The following SLC38A2 variants were observed in gnomAD, a reference collection of about 807,000 sequenced individuals.
The protein encoded by SLC38A2 is solute carrier family 38 member 2.
In SLC38A2, 11 loss-of-function variants were observed where a neutral mutation model predicts 61.5. That is an observed-to-expected ratio of 0.18 (90% CI 0.11 to 0.30). The LOEUF (loss-of-function observed/expected upper bound fraction) is 0.30. SLC38A2 is among the 10% of genes least tolerant of loss of function. The probability of loss-of-function intolerance (pLI) is 1.00; values close to 1 mark genes in which losing one functional copy is unlikely to be tolerated. For missense variants in SLC38A2, 522 were observed against 600.4 expected (o/e 0.87, Z 1.36); for synonymous variants, 217 against 212.5 (o/e 1.02, Z -0.18).
At position 46,358,941 on chromosome 12, in the gene SLC38A2, G is replaced by T. The variant is rs1013999568; in HGVS notation, c.*2170C>A. 3 of 152,556 alleles carry T rather than the reference G, an allele frequency of 2.0e-5. No homozygotes were observed. The highest frequency in any genetic ancestry group is 4.4e-5 in the Non-Finnish European group (3 of 68,028). 9.5% of individuals were successfully genotyped at this position (152,556 alleles called of 1,614,324 possible). ...CTCAAGGTAGACAAGATAGCTCCCA[G>T]AAAATCATCCATTGGAATTTTCCCT... is the stretch of plus-strand genomic sequence containing the variant. On this transcript the variant is annotated 3_prime_UTR_variant, in exon 16 of 16. Transcript: ENST00000256689.
At chr12:46,371,049 C>T (rs989465177) in intron 2 of SLC38A2, 129 bp downstream of exon 2, 3 of 904,396 alleles carry the variant, frequency 3.3e-6, no homozygotes, top group East Asian at 5.0e-5. Context: ...TAATCGGATA[C>T]TCTTTCAGAG....
At position 46,372,742 on chromosome 12, in the gene SLC38A2, G is replaced by C. The variant is rs993649186; in HGVS notation, c.-320C>G. The C allele has an allele frequency of 3.5e-5, 14 of 398,398 alleles. No individual in the cohort carries two copies. Among genetic ancestry groups the C allele is most frequent in the Non-Finnish European group, 5.3e-5 (12 of 225,880 alleles). The allele number at this position is 398,398 out of a possible 1,614,324, so 24.7% of individuals were successfully genotyped here. ...GGGCTGCTGCTAGCAGTACTGGAAA[G>C]GCGTTCTAAGGCGGCGGCGTCGCGC... is the stretch of plus-strand genomic sequence containing the variant. On this transcript the variant is annotated 5_prime_UTR_variant, in exon 1 of 16. Transcript: ENST00000256689.
intron 2 of SLC38A2, 85 bp downstream of exon 2, chr12:46,371,093 A>T: frequency 8.8e-7 from 1 of 1,137,072 alleles, no homozygotes; most frequent in Non-Finnish European, 1.3e-6. Flanking sequence ...ATAGCAAATT[A>T]AAGCAATGGA....
intron 3 of SLC38A2, 25 bp downstream of exon 3, chr12:46,370,747 TGACA>T (rs766578360): frequency 1.1e-5 from 18 of 1,580,406 alleles, no homozygotes; most frequent in South Asian, 3.4e-5. Flanking sequence ...ATAAAGCCAC[TGACA>T]GACAAATTAC....
Position 46,358,355 on chromosome 12 carries a change from A to C in SLC38A2, c.*2756T>G, listed in dbSNP as rs1027701176. On this transcript the variant is annotated 3_prime_UTR_variant, in exon 16 of 16. Transcript: ENST00000256689. ...ACAAAGTTAATACACCCAGGTTCTC[A>C]AAGGTCTTCCATTACACTAGATCAC... is the stretch of plus-strand genomic sequence containing the variant. The C allele has an allele frequency of 6.6e-6, 1 of 152,660 alleles. No individual in the cohort carries two copies. Among genetic ancestry groups the C allele is most frequent in the African/African-American group, 2.4e-5 (1 of 41,458 alleles). The allele number at this position is 152,660 out of a possible 1,614,324, so 9.5% of individuals were successfully genotyped here.
intron 10 of SLC38A2, 146 bp from the exon 11 acceptor site, chr12:46,364,149 A>G (rs1943113480): frequency 1.3e-6 from 1 of 777,792 alleles, no homozygotes; most frequent in South Asian, 2.0e-5. Context: ...TAATCTGTTC[A>G]TGAAGTATGA....
chr12:46,372,575 AAAAC>A lies in SLC38A2; in HGVS notation c.-157_-154del, dbSNP rs919504140. ...TCTCTCAGTCAAATACAAATCATAAAAAACAAACAAAAAATTTCCCCAAATCCAA... is the reference window on the plus strand; with the variant it reads ...TCTCTCAGTCAAATACAAATCATAAAAAACAAAAAATTTCCCCAAATCCAA... On this transcript the variant is annotated 5_prime_UTR_variant, in exon 1 of 16. Transcript: ENST00000256689. 4.3e-4 allele frequency: 173 copies of A among 397,876 alleles called. No homozygotes were observed. Among genetic ancestry groups the A allele is most frequent in the African/African-American group, 2.7e-3 (133 of 48,726 alleles). The allele number at this position is 397,876 out of a possible 1,614,324, so 24.6% of individuals were successfully genotyped here.
In SLC38A2 at chr12:46,371,348, T is replaced by C; in HGVS notation, c.-55A>G. ...TAGTAGCGCTGGGCTCCTTTTGTCC[T>C]TGGCGGTGGGTGCAGCGGCCCGCGA... On this transcript the variant is annotated 5_prime_UTR_variant, in exon 2 of 16. Transcript: ENST00000256689. 2.7e-6 allele frequency: 4 copies of C among 1,464,240 alleles called. No homozygotes were observed. The highest frequency in any genetic ancestry group is 1.9e-6 in the Non-Finnish European group (2 of 1,045,816). 90.7% of individuals were successfully genotyped at this position (1,464,240 alleles called of 1,614,324 possible). A position where few individuals can be genotyped will look rare whatever the true frequency, so the allele number is the denominator to read the frequency against.
intron 1 of SLC38A2, 93 bp from the exon 2 acceptor site, chr12:46,371,472 C>G (rs1412381926): frequency 5.1e-6 from 3 of 584,956 alleles, no homozygotes; most frequent in Non-Finnish European, 9.0e-6. Context: ...TGATTCATCC[C>G]AGGCCAGGCG....
intron 1 of SLC38A2, 147 bp downstream of exon 1, chr12:46,372,362 A>C (rs1441014616): frequency 1.3e-5 from 3 of 229,056 alleles, no homozygotes; most frequent in Non-Finnish European, 2.5e-5. Context: ...GCCAGGGTGG[A>C]AGGCTGGCCA....
chr12:46,368,471 C>T (rs1245881582), intron 4 of SLC38A2, among the ~76,000 whole-genome samples: 1 of 152,164 alleles, frequency 6.6e-6, no homozygotes, highest in East Asian at 1.9e-4. Flanking sequence ...AGGGTTCTCC[C>T]TCATTCCAGC....
Position 46,358,397 on chromosome 12 carries a change from C to G in SLC38A2, c.*2714G>C, listed in dbSNP as rs955959891. On this transcript the variant is annotated 3_prime_UTR_variant, in exon 16 of 16. Coordinates refer to ENST00000256689, the MANE Select transcript of SLC38A2 (RefSeq NM_018976.5). ...CTAGATCACATTTTATTTCATTACA[C>G]TAGATCACATTTTGATTACTGCATT... 1.3e-5 allele frequency: 2 copies of G among 152,312 alleles called. No homozygotes were observed. The highest frequency in any genetic ancestry group is 2.9e-5 in the Non-Finnish European group (2 of 67,876). 9.4% of individuals were successfully genotyped at this position (152,312 alleles called of 1,614,324 possible).
intron 15 of SLC38A2, among the ~76,000 whole-genome samples, chr12:46,361,430 A>G (rs934283740): frequency 5.3e-5 from 8 of 152,128 alleles, no homozygotes; most frequent in African/African-American, 1.7e-4. Context: ...TCACTTTTTC[A>G]TTCCTTTGTC....
Position 46,366,931 on chromosome 12 carries a change from G to GGTA in SLC38A2, c.493_495dup (p.Tyr165dup). On this transcript the variant is annotated inframe_insertion, in exon 7 of 16. Coordinates refer to ENST00000256689, the MANE Select transcript of SLC38A2 (RefSeq NM_018976.5). Reference sequence around the variant, plus strand: ...GGCAACTCATATTTCACTATGAAGAGGTAGCTTGACATAGCTGGAGGAAAA... The same window carrying GGTA: ...GGCAACTCATATTTCACTATGAAGAGGTAGTAGCTTGACATAGCTGGAGGAAAA... 6.2e-7 allele frequency: 1 copy of GGTA among 1,613,696 alleles called. No individual in the cohort carries two copies. Among genetic ancestry groups the GGTA allele is most frequent in the East Asian group, 2.2e-5 (1 of 44,878 alleles).
chr12:46,372,663 C>T lies in SLC38A2; in HGVS notation c.-241G>A, dbSNP rs1943219031. ...GAAAAGACAAATTGCCGCCCCAATC[C>T]TCCGGCGTCCGCCGTGTCAAGGGAA... On this transcript the variant is annotated 5_prime_UTR_variant, in exon 1 of 16. Transcript: ENST00000256689. The T allele has an allele frequency of 2.5e-6, 1 of 398,542 alleles. No individual in the cohort carries two copies. The highest frequency in any genetic ancestry group is 4.4e-6 in the Non-Finnish European group (1 of 225,962). The allele number at this position is 398,542 out of a possible 1,614,324, so 24.7% of individuals were successfully genotyped here.
chr12:46,368,712 A>G (rs1325449318), intron 4 of SLC38A2, among the ~76,000 whole-genome samples: 8 of 152,236 alleles, frequency 5.3e-5, no homozygotes. Flanking sequence ...AAATGCCAGA[A>G]GTTTTACAGG....
Position 46,362,737 on chromosome 12 carries a change from A to G in SLC38A2, c.1180-99T>C, listed in dbSNP as rs532005638. 16 of 1,256,726 alleles carry G rather than the reference A, an allele frequency of 1.3e-5. No individual in the cohort carries two copies. In the East Asian group the frequency reaches 4.4e-4, roughly 35 times the overall value. 77.8% of individuals were successfully genotyped at this position (1,256,726 alleles called of 1,614,324 possible). On this transcript the variant is annotated intron_variant, in intron 13 of 15. Transcript: ENST00000256689. Reference sequence around the variant, plus strand: ...TGAAAAGAATGCCCAAGTAACAAGGAATCTATCCAAAATAGTAACTATTTC... The same window carrying G: ...TGAAAAGAATGCCCAAGTAACAAGGGATCTATCCAAAATAGTAACTATTTC...
At chr12:46,372,176 A>AT (rs892964162) in intron 1 of SLC38A2, 122 of 149,114 alleles carry the variant, frequency 8.2e-4, no homozygotes, top group East Asian at 2.1e-3. Flanking sequence ...CCTGGACTTA[A>AT]TTTTTTTTTT....
Position 46,361,040 on chromosome 12 carries a change from A to G in SLC38A2, c.*71T>C. The G allele has an allele frequency of 9.2e-6, 11 of 1,195,502 alleles. No individual in the cohort carries two copies. The highest frequency in any genetic ancestry group is 1.3e-5 in the Non-Finnish European group (11 of 820,470). The allele number at this position is 1,195,502 out of a possible 1,614,324, so 74.1% of individuals were successfully genotyped here. A position where few individuals can be genotyped will look rare whatever the true frequency, so the allele number is the denominator to read the frequency against. On this transcript the variant is annotated 3_prime_UTR_variant, in exon 16 of 16. Transcript: ENST00000256689. ...GAAGTGAAACTGAAAACATTAGGTG[A>G]AATTTCATAGTAGTTGAGTTTACTC...
Sources: gnomAD v4.1 joint callset for allele counts (sites outside exome capture counted in the v4.1 genomes callset) on GRCh38, gnomAD v4.1.1 for gene constraint, MANE v1.5 for transcripts, NCBI Gene and HGNC (gene_info 2026-07-23, HGNC 2026-07-21) for gene names.